Variants in ABTB3 observed in about 807,000 individuals in gnomAD.
ABTB3 encodes ankyrin repeat- and BTB/POZ domain-containing protein 3.
At chr12:107,339,677 GCA>G in the ABTB3 span, among the ~76,000 whole-genome samples, 1 of 118,228 alleles carries the variant, frequency 8.5e-6, no homozygotes, top group Non-Finnish European at 1.6e-5. Context: ...GTGTGTGCAT[GCA>G]CGTGTGTGTG....
the ABTB3 span, among the ~76,000 whole-genome samples, chr12:107,651,162 C>A: frequency 6.6e-6 from 1 of 152,098 alleles, no homozygotes; most frequent in African/African-American, 2.4e-5. Flanking sequence ...TGAAAACCGA[C>A]ACAGATCCCT....
At chr12:107,581,975 C>T in the ABTB3 span, among the ~76,000 whole-genome samples, 1 of 152,186 alleles carries the variant, frequency 6.6e-6, no homozygotes, top group African/African-American at 2.4e-5. Flanking sequence ...CCCGACTCCC[C>T]CCACTCCCAG....
At chr12:107,472,327 G>A in the ABTB3 span, among the ~76,000 whole-genome samples, 1 of 152,146 alleles carries the variant, frequency 6.6e-6, no homozygotes, top group African/African-American at 2.4e-5. Flanking sequence ...TTATAAATCG[G>A]CAAACGGAAC....
At chr12:107,438,102 G>A in the ABTB3 span, among the ~76,000 whole-genome samples, 1 of 152,108 alleles carries the variant, frequency 6.6e-6, no homozygotes, top group Non-Finnish European at 1.5e-5. Context: ...CCTGAGCGGG[G>A]CCCAGATCAG....
the ABTB3 span, among the ~76,000 whole-genome samples, chr12:107,539,946 A>G: frequency 4.6e-5 from 7 of 152,120 alleles, no homozygotes; most frequent in Admixed American, 4.6e-4. Context: ...CCTCTAAAAG[A>G]GAATGTCCTT....
chr12:107,430,726 T>C, the ABTB3 span, among the ~76,000 whole-genome samples: 1 of 152,264 alleles, frequency 6.6e-6, no homozygotes, highest in Non-Finnish European at 1.5e-5. Flanking sequence ...GTAAGTATGA[T>C]GTTGATTATT....
the ABTB3 span, among the ~76,000 whole-genome samples, chr12:107,639,434 A>G: frequency 6.6e-6 from 1 of 152,326 alleles, no homozygotes; most frequent in South Asian, 2.1e-4. Flanking sequence ...GAGTGGAGGC[A>G]GAGAGACCAA....
the ABTB3 span, among the ~76,000 whole-genome samples, chr12:107,476,674 C>T: frequency 4.0e-5 from 6 of 151,890 alleles, no homozygotes; most frequent in African/African-American, 7.3e-5. Flanking sequence ...GCTGGAGCTA[C>T]ATTCTGGAGT....
chr12:107,619,072 CAG>C, the ABTB3 span, among the ~76,000 whole-genome samples: 2 of 152,170 alleles, frequency 1.3e-5, no homozygotes. Context: ...TCCCTAAACA[CAG>C]GGTGTGGCAG....
chr12:107,371,094 C>T, the ABTB3 span, among the ~76,000 whole-genome samples: 2 of 152,022 alleles, frequency 1.3e-5, no homozygotes, highest in African/African-American at 4.8e-5. Context: ...TCCCCCCAAC[C>T]TTATGATATT....
chr12:107,416,383 C>T, the ABTB3 span, among the ~76,000 whole-genome samples: 1 of 152,116 alleles, frequency 6.6e-6, no homozygotes, highest in East Asian at 1.9e-4. Flanking sequence ...CTGGTCCTTC[C>T]TCTGCCCAGA....
the ABTB3 span, among the ~76,000 whole-genome samples, chr12:107,566,683 A>ACACACACACG: frequency 1.3e-5 from 2 of 151,964 alleles, no homozygotes; most frequent in African/African-American, 4.8e-5. Context: ...ACACACACAC[A>ACACACACACG]CAAACATCTT....
chr12:107,514,936 T>G, the ABTB3 span, among the ~76,000 whole-genome samples: 1 of 152,204 alleles, frequency 6.6e-6, no homozygotes, highest in African/African-American at 2.4e-5. Flanking sequence ...TTAACTGACT[T>G]TCCTCTCAGT....
At chr12:107,541,986 A>C in the ABTB3 span, among the ~76,000 whole-genome samples, 1 of 152,072 alleles carries the variant, frequency 6.6e-6, no homozygotes, top group African/African-American at 2.4e-5. Flanking sequence ...ACAACTGGGC[A>C]CCATAGCCTG....
At chr12:107,397,655 A>G in the ABTB3 span, among the ~76,000 whole-genome samples, 1 of 151,868 alleles carries the variant, frequency 6.6e-6, no homozygotes, top group Non-Finnish European at 1.5e-5. Context: ...TATGATTACG[A>G]TTTTCTTGCC....
the ABTB3 span, among the ~76,000 whole-genome samples, chr12:107,492,093 G>A: frequency 6.6e-6 from 1 of 152,110 alleles, no homozygotes; most frequent in Non-Finnish European, 1.5e-5. Flanking sequence ...GAAGTCGTGG[G>A]AGAGGGAGAT....
the ABTB3 span, among the ~76,000 whole-genome samples, chr12:107,566,557 G>A: frequency 3.3e-5 from 5 of 151,872 alleles, no homozygotes; most frequent in Admixed American, 2.0e-4. Flanking sequence ...GTTTGTTACT[G>A]CAATTTAACA....
chr12:107,652,873 C>G, the ABTB3 span, among the ~76,000 whole-genome samples: 1 of 152,246 alleles, frequency 6.6e-6, no homozygotes, highest in Non-Finnish European at 1.5e-5. Context: ...ACAATAAAAC[C>G]AGTTAAGATG....
chr12:107,397,338 G>A, the ABTB3 span, among the ~76,000 whole-genome samples: 1 of 152,274 alleles, frequency 6.6e-6, no homozygotes, highest in Non-Finnish European at 1.5e-5. Flanking sequence ...GCTCAGACCT[G>A]TCTTTGTCTG....
Sources: allele counts gnomAD v4.1 joint callset (sites outside exome capture counted in the v4.1 genomes callset), GRCh38; gene constraint gnomAD v4.1.1; transcripts MANE v1.5; gene names NCBI Gene and HGNC (gene_info 2026-07-23, HGNC 2026-07-21).